GRIK5: variants seen among roughly 807,000 people sequenced by gnomAD.
The protein encoded by GRIK5 is glutamate ionotropic receptor kainate type subunit 5, also known as glutamate receptor ionotropic, kainate 5.
In GRIK5, 43 loss-of-function variants were observed where a neutral mutation model predicts 97.4. That is an observed-to-expected ratio of 0.44 (90% CI 0.35 to 0.57). GRIK5 has a LOEUF of 0.57. Ranked by LOEUF, GRIK5 falls within the 20% of genes least tolerant of loss-of-function variation. The probability of loss-of-function intolerance (pLI) is 0.01; values close to 1 mark genes in which losing one functional copy is unlikely to be tolerated. For synonymous variants in GRIK5, 580 were observed against 583.5 expected (o/e 0.99, Z 0.09); for missense variants, 1,015 against 1,382.0 (o/e 0.73, Z 4.21).
In GRIK5 at chr19:42,006,877, C is replaced by T. The variant is rs1016345355; in HGVS notation, c.1872-67G>A. On this transcript the variant is annotated intron_variant, in intron 15 of 19. Coordinates refer to ENST00000593562, the MANE Select transcript of GRIK5 (RefSeq NM_002088.5). This position sits in a 1 kb window ranked among gnomAD's most constrained non-coding sequence, Gnocchi z 5.3. ...TGCTGACCTGCCCCCGTGGCCATGC[C>T]CCCCATTGGTGGTGCCCCTCCCAAG... is the stretch of plus-strand genomic sequence containing the variant. The T allele has an allele frequency of 1.6e-6, 2 of 1,263,888 alleles. No individual in the cohort carries two copies. Among genetic ancestry groups the T allele is most frequent in the African/African-American group, 3.0e-5 (2 of 67,364 alleles). 78.3% of individuals were successfully genotyped at this position (1,263,888 alleles called of 1,614,324 possible). A position where few individuals can be genotyped will look rare whatever the true frequency, so the allele number is the denominator to read the frequency against.
intron 12 of GRIK5, among the ~76,000 whole-genome samples, chr19:42,028,021 G>A (rs1281970423): frequency 3.3e-5 from 5 of 151,852 alleles, no homozygotes; most frequent in African/African-American, 4.8e-5. Flanking sequence ...TTGTAGAGAC[G>A]GGGGTCTTAC....
At position 42,002,346 on chromosome 19, in the gene GRIK5, T is replaced by C; in HGVS notation, c.2514+986A>G. The C allele has an allele frequency of 1.4e-6, 1 of 717,574 alleles. No homozygotes were observed. The highest frequency in any genetic ancestry group is 2.6e-6 in the Non-Finnish European group (1 of 385,082). The allele number at this position is 717,574 out of a possible 1,614,324, so 44.5% of individuals were successfully genotyped here. A position where few individuals can be genotyped will look rare whatever the true frequency, so the allele number is the denominator to read the frequency against. On this transcript the variant is annotated intron_variant, in intron 19 of 19. Coordinates refer to ENST00000593562, the MANE Select transcript of GRIK5 (RefSeq NM_002088.5). The surrounding 1 kb of genome is among the most constrained non-coding windows in gnomAD (Gnocchi z 5.2). ...GACTGGAGAAATGACAGCATATTTG[T>C]ACGTTGGTGGCCTGAATCCAATAAA...
At chr19:42,054,546 C>T in intron 8 of GRIK5, 74 bp from the exon 9 acceptor site, 2 of 1,538,516 alleles carry the variant, frequency 1.3e-6, no homozygotes, top group South Asian at 2.3e-5. Context: ...GGCCCCTGAG[C>T]TGCCACCCTC....
At chr19:42,000,645 C>A (rs999876105) in intron 19 of GRIK5, among the ~76,000 whole-genome samples, 8 of 152,166 alleles carry the variant, frequency 5.3e-5, no homozygotes, top group Admixed American at 5.2e-4. Context: ...AGGCAGGCAG[C>A]CTTCAAGATC....
intron 11 of GRIK5, among the ~76,000 whole-genome samples, chr19:42,052,934 T>A (rs1214474339): frequency 6.6e-6 from 1 of 152,106 alleles, no homozygotes; most frequent in East Asian, 1.9e-4. Flanking sequence ...AAGACAAAGC[T>A]CACAAGGGTA....
Position 42,022,132 on chromosome 19 carries a change from C to A in GRIK5, c.1588-76G>T. The A allele has an allele frequency of 7.1e-7, 1 of 1,404,268 alleles. No individual in the cohort carries two copies. Among genetic ancestry groups the A allele is most frequent in the Non-Finnish European group, 1.0e-6 (1 of 1,002,178 alleles). The allele number at this position is 1,404,268 out of a possible 1,614,324, so 87.0% of individuals were successfully genotyped here. ...ACCCAGCCCCTGCCCTACCAGGGAC[C>A]TGGGAGCCTGACCGGCCCATCTGAG... On this transcript the variant is annotated intron_variant, in intron 13 of 19. Coordinates refer to ENST00000593562, the MANE Select transcript of GRIK5 (RefSeq NM_002088.5). The surrounding 1 kb of genome is among the most constrained non-coding windows in gnomAD (Gnocchi z 4.2).
In GRIK5 at chr19:42,056,331, T is replaced by G. The variant is rs556858305; in HGVS notation, c.903+331A>C. Among the ~76,000 whole-genome samples the G allele has an allele frequency of 3.8e-4, 58 of 152,194 alleles. No homozygotes were observed. The South Asian group carries it at 0.012, about 31-fold the overall frequency. ...GAGGAGGAAGGAAAAATCTTATACC[T>G]GAGGGGACACTGGAGCAATGTCCTA... On this transcript the variant is annotated intron_variant, in intron 8 of 19. Coordinates refer to ENST00000593562, the MANE Select transcript of GRIK5 (RefSeq NM_002088.5).
In GRIK5 at chr19:42,021,430, G is replaced by A. The variant is rs142317434; in HGVS notation, c.1742C>T (p.Ala581Val). The stretch of plus-strand genomic sequence containing the variant: ...CTGGTTCTCCAGGATGTGGGGGCGT[G>A]CCCGCAGGCATGGGTGTGGGTTATA... ...EWYNPHPCLR[A>V]RPHILENQYT... The change falls in exon 15 of 20, where the codon GCA (alanine) becomes GTA (valine). Residue 581 changes from alanine (A) to valine (V), a missense_variant. By Grantham distance (64) the Ala-to-Val change is moderately conservative (BLOSUM62 0). Around this residue, in one of 5 missense-constraint regions of GRIK5, gnomAD observed 477 missense variants for 701.1 expected, o/e 0.68. Transcript: ENST00000593562. This position sits in a 1 kb window ranked among gnomAD's most constrained non-coding sequence, Gnocchi z 4.2. 3.3e-4 allele frequency: 529 copies of A among 1,607,178 alleles called. No homozygotes were observed. Among genetic ancestry groups the A allele is most frequent in the Admixed American group, 1.3e-3 (77 of 59,446 alleles).
Position 42,003,537 on chromosome 19 carries a change from C to G in GRIK5, c.2392+18G>C, listed in dbSNP as rs782416087. On this transcript the variant is annotated intron_variant, in intron 18 of 19. Transcript: ENST00000593562. The surrounding 1 kb of genome is among the most constrained non-coding windows in gnomAD (Gnocchi z 4.2). ...GGGAGGGGGCTATGGGAAGGGGACA[C>G]CATACGCGGGAACTGACCTTTAGCT... The G allele has an allele frequency of 6.2e-7, 1 of 1,607,512 alleles. No individual in the cohort carries two copies. The highest frequency in any genetic ancestry group is 1.1e-5 in the South Asian group (1 of 89,828).
chr19:42,052,395 G>A (rs1015932600), intron 11 of GRIK5, among the ~76,000 whole-genome samples: 3 of 152,024 alleles, frequency 2.0e-5, no homozygotes, highest in African/African-American at 4.8e-5. Context: ...GGCTCCCTGG[G>A]GAGGCTGTTA....
At chr19:42,047,242 A>G (rs2076054012) in intron 11 of GRIK5, among the ~76,000 whole-genome samples, 1 of 151,890 alleles carries the variant, frequency 6.6e-6, no homozygotes, top group Non-Finnish European at 1.5e-5. Flanking sequence ...TTAAGTGTGT[A>G]TGAACATGCA....
chr19:42,036,572 T>C (rs1318605964), intron 12 of GRIK5, among the ~76,000 whole-genome samples: 1 of 152,154 alleles, frequency 6.6e-6, no homozygotes, highest in Non-Finnish European at 1.5e-5. Context: ...CCAAGGTTGG[T>C]CTTGAACTCC....
intron 11 of GRIK5, among the ~76,000 whole-genome samples, chr19:42,046,969 C>A (rs949625962): frequency 6.6e-6 from 1 of 152,080 alleles, no homozygotes; most frequent in Non-Finnish European, 1.5e-5. Flanking sequence ...CTCACTAGAA[C>A]CTCTGCCTCC....
intron 6 of GRIK5, among the ~76,000 whole-genome samples, chr19:42,059,129 G>A (rs1027417513): frequency 2.0e-5 from 3 of 152,134 alleles, no homozygotes; most frequent in African/African-American, 7.2e-5. Context: ...ACAACCCACC[G>A]AGCAGGGACT....
In GRIK5 at chr19:42,021,596, T is replaced by C. The variant is rs913657652; in HGVS notation, c.1698-122A>G. The stretch of plus-strand genomic sequence containing the variant: ...GGGAGAGATGGAAAAAGGAGCAAGA[T>C]GGACAGAAGCACACAGAGAAAAGGC... On this transcript the variant is annotated intron_variant, in intron 14 of 19. Coordinates refer to ENST00000593562, the MANE Select transcript of GRIK5 (RefSeq NM_002088.5). This position sits in a 1 kb window ranked among gnomAD's most constrained non-coding sequence, Gnocchi z 4.2. The C allele has an allele frequency of 2.7e-6, 2 of 740,056 alleles. No individual in the cohort carries two copies. The highest frequency in any genetic ancestry group is 4.3e-6 in the Non-Finnish European group (2 of 466,416). 45.8% of individuals were successfully genotyped at this position (740,056 alleles called of 1,614,324 possible).
chr19:42,039,518 G>A (rs1216720497), intron 12 of GRIK5, among the ~76,000 whole-genome samples: 6 of 152,036 alleles, frequency 3.9e-5, no homozygotes, highest in African/African-American at 9.7e-5. Context: ...GCATCCCATG[G>A]GCTTTCTGCT....
chr19:42,023,932 C>A (rs930409212), intron 12 of GRIK5, among the ~76,000 whole-genome samples: 3 of 152,200 alleles, frequency 2.0e-5, no homozygotes, highest in African/African-American at 7.2e-5. Flanking sequence ...TAAGACAAAA[C>A]CTTCTCATGG....
intron 12 of GRIK5, among the ~76,000 whole-genome samples, chr19:42,030,328 C>T (rs1362005100): frequency 1.3e-5 from 2 of 152,022 alleles, no homozygotes; most frequent in Non-Finnish European, 1.5e-5. Context: ...ATTAAAGGTG[C>T]GTGCCGCTGA....
Position 42,049,031 on chromosome 19 carries a change from A to G in GRIK5, c.1269+4571T>C, listed in dbSNP as rs1441001987. Reference sequence around the variant, plus strand: ...ACTCCAGCCTGGGTAACAGAGCAAGACCCTCTCTCAAAAAACAAAAACAAA... The same window carrying G: ...ACTCCAGCCTGGGTAACAGAGCAAGGCCCTCTCTCAAAAAACAAAAACAAA... On this transcript the variant is annotated intron_variant, in intron 11 of 19. Coordinates refer to ENST00000593562, the MANE Select transcript of GRIK5 (RefSeq NM_002088.5). Among the ~76,000 whole-genome samples, 4 of 152,090 alleles carry G rather than the reference A, an allele frequency of 2.6e-5. No individual in the cohort carries two copies. In the East Asian group the frequency reaches 7.7e-4, roughly 29 times the overall value.
Sources: allele counts gnomAD v4.1 joint callset (sites outside exome capture counted in the v4.1 genomes callset), GRCh38; gene constraint gnomAD v4.1.1; regional missense constraint gnomAD v4.1.1; non-coding constraint Gnocchi (gnomAD v3.1); transcripts MANE v1.5; gene names NCBI Gene and HGNC (gene_info 2026-07-23, HGNC 2026-07-21).